The following LUZP2 variants were observed in gnomAD, a reference collection of about 807,000 sequenced individuals.
The protein encoded by LUZP2 is leucine zipper protein 2.
In LUZP2, 52 loss-of-function variants were observed where a neutral mutation model predicts 51.6. That is an observed-to-expected ratio of 1.01 (90% CI 0.81 to 1.27). The LOEUF is 1.27. LUZP2 is among the 50% of genes most tolerant of loss of function. The pLI is 0.00. For synonymous variants in LUZP2, 154 were observed against 137.3 expected (o/e 1.12, Z -0.85); for missense variants, 436 against 395.4 (o/e 1.10, Z -0.87).
chr11:25,068,827 C>G (rs760869450), intron 10 of LUZP2, among the ~76,000 whole-genome samples: 2 of 151,950 alleles, frequency 1.3e-5, no homozygotes, highest in Non-Finnish European at 2.9e-5. Context: ...TTTCCCATCT[C>G]AGCTTACCTC....
At chr11:24,507,320 A>T (rs759478455) in intron 1 of LUZP2, among the ~76,000 whole-genome samples, 1 of 152,086 alleles carries the variant, frequency 6.6e-6, no homozygotes, top group African/African-American at 2.4e-5. Context: ...TTTACTCAAC[A>T]TGCAAATTGT....
Position 24,659,484 on chromosome 11 carries a change from T to C in LUZP2, c.63-69685T>C, listed in dbSNP as rs1434845995. 5.3e-5 allele frequency among the ~76,000 whole-genome samples: 8 copies of C among 152,010 alleles called. No homozygotes were observed. In the East Asian group the frequency reaches 1.2e-3, roughly 22 times the overall value. ...TACCTAATGCTAAATGACGAGTTAA[T>C]GCGTGCAGCACACCAACATGGCACA... On this transcript the variant is annotated intron_variant, in intron 1 of 11. Coordinates refer to ENST00000336930, the MANE Select transcript of LUZP2 (RefSeq NM_001009909.4).
intron 5 of LUZP2, among the ~76,000 whole-genome samples, chr11:24,881,327 A>AAG (rs1565046421): frequency 1.3e-5 from 2 of 151,894 alleles, no homozygotes; most frequent in African/African-American, 2.4e-5. Context: ...AAAAAAAAAA[A>AAG]AGAGAGAGAG....
intron 1 of LUZP2, among the ~76,000 whole-genome samples, chr11:24,685,225 T>G (rs1358416928): frequency 6.6e-6 from 1 of 152,152 alleles, no homozygotes; most frequent in Admixed American, 6.6e-5. Flanking sequence ...TTACCAAAGC[T>G]GCCATCGAGA....
intron 5 of LUZP2, among the ~76,000 whole-genome samples, chr11:24,789,813 G>T (rs1217547499): frequency 6.6e-6 from 1 of 152,134 alleles, no homozygotes; most frequent in Non-Finnish European, 1.5e-5. Context: ...TTGTATAAGG[G>T]CACTATTCCC....
rs572106395 is a variant in LUZP2, at chr11:25,072,952, A to T, written c.859-4377A>T. On this transcript the variant is annotated intron_variant, in intron 10 of 11. Coordinates refer to ENST00000336930, the MANE Select transcript of LUZP2 (RefSeq NM_001009909.4). ...GACCAGAGAGACCTTGGGGTATGGC[A>T]GGATCTTTATTGAGTGCACTCACAC... 2.6e-4 allele frequency among the ~76,000 whole-genome samples: 39 copies of T among 152,208 alleles called. No homozygotes were observed. The South Asian group carries it at 7.3e-3, about 28-fold the overall frequency.
chr11:24,857,464 A>G (rs1851605806), intron 5 of LUZP2, among the ~76,000 whole-genome samples: 1 of 151,660 alleles, frequency 6.6e-6, no homozygotes, highest in South Asian at 2.1e-4. Flanking sequence ...TTAATTCTGT[A>G]TAAATTCACA....
At chr11:24,861,312 C>A (rs1851733750) in intron 5 of LUZP2, among the ~76,000 whole-genome samples, 1 of 151,900 alleles carries the variant, frequency 6.6e-6, no homozygotes. Flanking sequence ...CATAAAAGGA[C>A]CAAACCTACA....
At chr11:24,557,153 A>G (rs1851893998) in intron 1 of LUZP2, among the ~76,000 whole-genome samples, 1 of 150,420 alleles carries the variant, frequency 6.6e-6, no homozygotes, top group South Asian at 2.1e-4. Flanking sequence ...ATAGCTGATG[A>G]CTTGTCTTTA....
At chr11:24,854,667 GAA>G (rs34378292) in intron 5 of LUZP2, among the ~76,000 whole-genome samples, 82,783 of 135,920 alleles carry the variant, frequency 0.61, 25,147 homozygotes, top group Middle Eastern at 0.76. Context: ...ACTGGGATAT[GAA>G]AAAAAAAAAA....
intron 9 of LUZP2, among the ~76,000 whole-genome samples, chr11:25,031,546 A>G (rs1269259710): frequency 6.6e-6 from 1 of 151,886 alleles, no homozygotes; most frequent in Non-Finnish European, 1.5e-5. Context: ...TGTGTATTAT[A>G]TTGTTTTCAA....
At chr11:24,638,575 T>C (rs1435188366) in intron 1 of LUZP2, among the ~76,000 whole-genome samples, 1 of 151,662 alleles carries the variant, frequency 6.6e-6, no homozygotes, top group South Asian at 2.1e-4. Context: ...CAGGGCTTAG[T>C]TGATAATTTA....
chr11:24,634,737 A>C (rs1401248899), intron 1 of LUZP2, among the ~76,000 whole-genome samples: 1 of 152,088 alleles, frequency 6.6e-6, no homozygotes, highest in East Asian at 1.9e-4. Flanking sequence ...AAGGCATTTG[A>C]GTTTGCAGGT....
At chr11:24,685,718 T>A (rs1856876734) in intron 1 of LUZP2, among the ~76,000 whole-genome samples, 1 of 152,214 alleles carries the variant, frequency 6.6e-6, no homozygotes, top group Non-Finnish European at 1.5e-5. Flanking sequence ...GGTTTTCCCA[T>A]GAAATATCAT....
intron 9 of LUZP2, among the ~76,000 whole-genome samples, chr11:25,020,191 G>C (rs751399128): frequency 1.3e-5 from 2 of 151,894 alleles, no homozygotes; most frequent in Non-Finnish European, 2.9e-5. Flanking sequence ...AGGAGCAATA[G>C]CAAAAAAAGG....
chr11:24,596,102 A>T (rs1853436625), intron 1 of LUZP2, among the ~76,000 whole-genome samples: 1 of 152,190 alleles, frequency 6.6e-6, no homozygotes. Context: ...ATACTGGGAA[A>T]TATCTCCCTT....
rs117703137 is a variant in LUZP2, at chr11:24,735,914, G to A, written c.252-2307G>A. Among the ~76,000 whole-genome samples the A allele has an allele frequency of 3.8e-3, 576 of 152,058 alleles. 8 individuals are homozygous for A. Among genetic ancestry groups the A allele is most frequent in the Admixed American group, 0.023 (353 of 15,220 alleles). Reference sequence around the variant, plus strand: ...ATCATCTCTATAGGAGGATAACTTAGCAAGTCTTTGAAGCAGAAATCTATA... The same window carrying A: ...ATCATCTCTATAGGAGGATAACTTAACAAGTCTTTGAAGCAGAAATCTATA... On this transcript the variant is annotated intron_variant, in intron 3 of 11. Transcript: ENST00000336930.
rs111473301 is a variant in LUZP2 at position 24,531,895 on chromosome 11, G to A, written c.62+34590G>A. Among the ~76,000 whole-genome samples, 614 of 150,760 alleles carry A rather than the reference G, an allele frequency of 4.1e-3. 4 individuals carry two copies. Among genetic ancestry groups the A allele is most frequent in the African/African-American group, 0.014 (568 of 41,324 alleles). ...TCATCATCACCCTTATATTTAATCC[G>A]TAAGTAAATCTCTTTAACCTAACTT... On this transcript the variant is annotated intron_variant, in intron 1 of 11. Coordinates refer to ENST00000336930, the MANE Select transcript of LUZP2 (RefSeq NM_001009909.4).
At position 25,004,468 on chromosome 11, in the gene LUZP2, G is replaced by T. The variant is rs1856779430; in HGVS notation, c.765+21175G>T. Reference sequence around the variant, plus strand: ...GTCCATATTATAGAACACTGTGGTTGCCAGGTTTAATAATGCCTCCAGATT... The same window carrying T: ...GTCCATATTATAGAACACTGTGGTTTCCAGGTTTAATAATGCCTCCAGATT... On this transcript the variant is annotated intron_variant, in intron 9 of 11. Transcript: ENST00000336930. Among the ~76,000 whole-genome samples the T allele has an allele frequency of 2.0e-5, 3 of 152,116 alleles. No homozygotes were observed. The South Asian group carries it at 6.2e-4, about 32-fold the overall frequency.
Sources: gnomAD v4.1 joint callset for allele counts (sites outside exome capture counted in the v4.1 genomes callset) on GRCh38, gnomAD v4.1.1 for gene constraint, MANE v1.5 for transcripts, NCBI Gene and HGNC (gene_info 2026-07-23, HGNC 2026-07-21) for gene names.